Variants in GAS7 observed in about 807,000 individuals in gnomAD.
GAS7 encodes the protein growth arrest specific 7.
In GAS7, 28 loss-of-function variants were observed where a neutral mutation model predicts 71.1. The observed-to-expected ratio is 0.39, with a 90% confidence interval of 0.29 to 0.54. The LOEUF is 0.54. Among genes scored for constraint, GAS7 ranks in the 20% least tolerant of loss-of-function variants. The pLI is 0.62. For synonymous variants in GAS7, 258 were observed against 245.8 expected (o/e 1.05, Z -0.46); for missense variants, 436 against 627.8 (o/e 0.69, Z 3.27).
At chr17:9,946,362 T>G (rs1027418904) in intron 6 of GAS7, among the ~76,000 whole-genome samples, 1 of 152,196 alleles carries the variant, frequency 6.6e-6, no homozygotes, top group Admixed American at 6.5e-5. Flanking sequence ...ATCACCACCA[T>G]CCACCTGCAA....
In GAS7 at chr17:10,005,072, C is replaced by T. The variant is rs535378053; in HGVS notation, c.304+14705G>A. 8.2e-5 allele frequency among the ~76,000 whole-genome samples: 11 copies of T among 133,698 alleles called. No individual in the cohort carries two copies. In the East Asian group the frequency reaches 9.6e-4, roughly 12 times the overall value. 87.7% of individuals were successfully genotyped at this position (133,698 alleles called of 152,430 possible). A position where few individuals can be genotyped will look rare whatever the true frequency, so the allele number is the denominator to read the frequency against. The stretch of plus-strand genomic sequence containing the variant: ...ATATACACATATATGTGTGTATGCA[C>T]GCATACATGCGTGTGTGCACGCATA... On this transcript the variant is annotated intron_variant, in intron 2 of 13. Transcript: ENST00000432992.
In GAS7 at chr17:9,959,304, C is replaced by T; in HGVS notation, c.472-49G>A. The T allele has an allele frequency of 6.2e-7, 1 of 1,613,326 alleles. No homozygotes were observed. The highest frequency in any genetic ancestry group is 8.5e-7 in the Non-Finnish European group (1 of 1,179,638). On this transcript the variant is annotated intron_variant, in intron 4 of 13. Transcript: ENST00000432992. The surrounding 1 kb of genome is among the most constrained non-coding windows in gnomAD (Gnocchi z 5.0). ...CGTCAAAGCTGTTCTCCATATTGGA[C>T]ATTTTTTCCCCCCATTCAGGTTCCC...
intron 1 of GAS7, among the ~76,000 whole-genome samples, chr17:10,095,411 G>A (rs1427366366): frequency 1.3e-5 from 2 of 152,134 alleles, no homozygotes; most frequent in East Asian, 3.9e-4. Flanking sequence ...CTGGGCTCAA[G>A]TGATCCTGCC....
chr17:10,112,598 G>A (rs553924002), intron 1 of GAS7, among the ~76,000 whole-genome samples: 3 of 152,178 alleles, frequency 2.0e-5, no homozygotes, highest in South Asian at 2.1e-4. Flanking sequence ...AGCCGGGCAT[G>A]GTGGCACATG....
intron 1 of GAS7, among the ~76,000 whole-genome samples, chr17:10,110,933 T>C (rs2073805590): frequency 6.6e-6 from 1 of 152,226 alleles, no homozygotes; most frequent in Non-Finnish European, 1.5e-5. Flanking sequence ...TTATCAATTA[T>C]TATACATTCT....
intron 1 of GAS7, among the ~76,000 whole-genome samples, chr17:10,108,383 CCA>C (rs2073779693): frequency 1.3e-5 from 2 of 152,210 alleles, no homozygotes; most frequent in South Asian, 4.1e-4. Flanking sequence ...GCATGGAAAT[CCA>C]CACACACATT....
In GAS7 at chr17:9,912,152, T is replaced by C. The variant is rs2067455976; in HGVS notation, c.*5076A>G. ...GTCTTTGGGGGGTCCTAGGAGAAAC[T>C]ACCTCATTCTTAACAGCTCATAAAA... is the stretch of plus-strand genomic sequence containing the variant. On this transcript the variant is annotated 3_prime_UTR_variant, in exon 14 of 14. Coordinates refer to ENST00000432992, the MANE Select transcript of GAS7 (RefSeq NM_201433.2). 4 of 232,380 alleles carry C rather than the reference T, an allele frequency of 1.7e-5. No individual in the cohort carries two copies. The highest frequency in any genetic ancestry group is 8.5e-6 in the Non-Finnish European group (1 of 117,454). The allele number at this position is 232,380 out of a possible 1,614,324, so 14.4% of individuals were successfully genotyped here.
chr17:10,136,477 C>T (rs1415772824), intron 1 of GAS7, among the ~76,000 whole-genome samples: 1 of 152,200 alleles, frequency 6.6e-6, no homozygotes, highest in Admixed American at 6.5e-5. Context: ...GCGGCTGATG[C>T]ATTTTCTTCT....
At chr17:9,927,492 CAAAA>C (rs2068053766) in intron 9 of GAS7, among the ~76,000 whole-genome samples, 1 of 149,536 alleles carries the variant, frequency 6.7e-6, no homozygotes, top group African/African-American at 2.5e-5. Flanking sequence ...AAAAAAAAAA[CAAAA>C]CAAACAAACA....
chr17:10,122,182 G>A (rs958429820), intron 1 of GAS7, among the ~76,000 whole-genome samples: 6 of 152,130 alleles, frequency 3.9e-5, no homozygotes, highest in Non-Finnish European at 8.8e-5. Context: ...TGTGCACACC[G>A]GTGGTACCCA....
chr17:10,159,194 A>G (rs1422478386), intron 1 of GAS7, among the ~76,000 whole-genome samples: 2 of 151,124 alleles, frequency 1.3e-5, no homozygotes, highest in African/African-American at 4.9e-5. Flanking sequence ...ACAAGGATGT[A>G]GAACTATGAG....
At chr17:9,951,757 T>G (rs1256352765) in intron 5 of GAS7, among the ~76,000 whole-genome samples, 1 of 43,476 alleles carries the variant, frequency 2.3e-5, no homozygotes, top group Admixed American at 3.4e-4. Context: ...CAAAACTCTG[T>G]CTCAAAAAAA....
chr17:10,085,490 TG>T (rs1451584758), intron 1 of GAS7, among the ~76,000 whole-genome samples: 1 of 152,044 alleles, frequency 6.6e-6, no homozygotes, highest in Non-Finnish European at 1.5e-5. Flanking sequence ...GAGACCATCC[TG>T]GCTAACACGG....
intron 1 of GAS7, among the ~76,000 whole-genome samples, chr17:10,152,576 G>C (rs1280774439): frequency 1.3e-5 from 2 of 152,140 alleles, no homozygotes; most frequent in Non-Finnish European, 2.9e-5. Context: ...ACTCCAGATA[G>C]ACATTCCCCC....
At chr17:10,147,323 G>C (rs12602574) in intron 1 of GAS7, among the ~76,000 whole-genome samples, 67,249 of 152,076 alleles carry the variant, frequency 0.44, 15,310 homozygotes, top group East Asian at 0.64. Flanking sequence ...GTGGGGCTTG[G>C]GTGGGGGCAG....
At chr17:9,925,735 C>A (rs116253956) in intron 10 of GAS7, 136 bp from the exon 11 acceptor site, 15 of 910,920 alleles carry the variant, frequency 1.6e-5, no homozygotes, top group Non-Finnish European at 2.2e-5. Flanking sequence ...TCCAGAGAGG[C>A]CCAGCAGCCA....
At chr17:10,043,309 C>G (rs896952100) in intron 1 of GAS7, among the ~76,000 whole-genome samples, 1 of 152,064 alleles carries the variant, frequency 6.6e-6, no homozygotes, top group Admixed American at 6.5e-5. Flanking sequence ...CACTCAGGGG[C>G]TACATGGGGA....
intron 5 of GAS7, among the ~76,000 whole-genome samples, chr17:9,957,957 C>T (rs1465658086): frequency 6.6e-6 from 1 of 152,202 alleles, no homozygotes; most frequent in East Asian, 1.9e-4. Flanking sequence ...GAGCAAGGTG[C>T]GGCTCTGTGC....
chr17:10,087,497 A>T lies in GAS7; in HGVS notation c.184-67600T>A, dbSNP rs114287455. ...CCATGGTTGCATGCTGCAGACAGTCAATAAAGGTTCACTGAGTTCACTGAT... is the reference window on the plus strand; with the variant it reads ...CCATGGTTGCATGCTGCAGACAGTCTATAAAGGTTCACTGAGTTCACTGAT... On this transcript the variant is annotated intron_variant, in intron 1 of 13. Transcript: ENST00000432992. Among the ~76,000 whole-genome samples, 509 of 152,362 alleles carry T rather than the reference A, an allele frequency of 3.3e-3. 2 individuals carry two copies. Among genetic ancestry groups the T allele is most frequent in the African/African-American group, 0.011 (469 of 41,594 alleles).
Sources: allele counts gnomAD v4.1 joint callset (sites outside exome capture counted in the v4.1 genomes callset), GRCh38; gene constraint gnomAD v4.1.1; non-coding constraint Gnocchi (gnomAD v3.1); transcripts MANE v1.5; gene names NCBI Gene and HGNC (gene_info 2026-07-23, HGNC 2026-07-21).